Variants in ITGA2 observed in about 807,000 individuals in gnomAD.
ITGA2 encodes the protein integrin alpha-2.
A neutral mutation model predicts 146.3 loss-of-function variants in ITGA2; 101 were observed. The observed-to-expected ratio is 0.69, with a 90% confidence interval of 0.59 to 0.81. The LOEUF (loss-of-function observed/expected upper bound fraction) is 0.81, where lower values mean the gene tolerates loss of function less well. Among genes scored for constraint, ITGA2 ranks in the 40% least tolerant of loss-of-function variants. The pLI is 0.00. For synonymous variants in ITGA2, 477 were observed against 487.1 expected, an observed-to-expected ratio of 0.98 and a Z score of 0.27; for missense variants, 1,281 against 1,402.7, an observed-to-expected ratio of 0.91 and a Z score of 1.39.
chr5:53,048,261 T>C (rs1268311955), intron 4 of ITGA2, 102 bp from the exon 5 acceptor site: 1 of 877,704 alleles, frequency 1.1e-6, no homozygotes, highest in Admixed American at 1.9e-5. Context: ...ATTATTAGTA[T>C]CTTAGAAAAG....
intron 2 of ITGA2, among the ~76,000 whole-genome samples, chr5:53,029,820 C>T (rs1743138477): frequency 6.6e-6 from 1 of 152,146 alleles, no homozygotes; most frequent in Non-Finnish European, 1.5e-5. Context: ...AGTCCCAATT[C>T]TAAATGATTC....
chr5:53,012,059 A>G (rs1423865666), intron 1 of ITGA2, among the ~76,000 whole-genome samples: 1 of 152,196 alleles, frequency 6.6e-6, no homozygotes, highest in Non-Finnish European at 1.5e-5. Flanking sequence ...TATGTAAAAT[A>G]TCATTATAGT....
In ITGA2 at chr5:53,086,969, A is replaced by G. The variant is rs764094691; in HGVS notation, c.3276A>G (p.Val1092=). ...GTFASSTFQT[V]QLTAAAEINT... is the part of the protein sequence containing the mutation. ...TGTTCCAGTCAACGTTCCAGACAGT[A>G]CAGCTAACGGCAGCTGCAGAAATCA... Residue 1092 remains valine, a synonymous_variant, in exon 28 of 30, where the codon GTA becomes GTG. Transcript: ENST00000296585. 4 of 1,613,534 alleles carry G rather than the reference A, an allele frequency of 2.5e-6. No homozygotes were observed. Among genetic ancestry groups the G allele is most frequent in the Non-Finnish European group, 2.5e-6 (3 of 1,179,494 alleles).
intron 3 of ITGA2, among the ~76,000 whole-genome samples, chr5:53,043,994 G>A (rs1476162801): frequency 6.6e-6 from 1 of 152,002 alleles, no homozygotes; most frequent in Non-Finnish European, 1.5e-5. Context: ...GGTGAACTTG[G>A]CTGGGCATGG....
intron 1 of ITGA2, among the ~76,000 whole-genome samples, chr5:52,998,753 A>G (rs542084967): frequency 1.3e-5 from 2 of 152,154 alleles, no homozygotes; most frequent in African/African-American, 2.4e-5. Context: ...AGACAGGCCC[A>G]TATCATCTTC....
intron 16 of ITGA2, among the ~76,000 whole-genome samples, chr5:53,068,202 A>G (rs1745231043): frequency 6.6e-6 from 1 of 151,928 alleles, no homozygotes; most frequent in Non-Finnish European, 1.5e-5. Context: ...GAGAACACAA[A>G]GCAAAATTAG....
chr5:53,057,901 A>T, intron 9 of ITGA2, 124 bp from the exon 10 acceptor site: 1 of 723,124 alleles, frequency 1.4e-6, no homozygotes, highest in Non-Finnish European at 2.5e-6. Context: ...TTGGGTGAGT[A>T]TTGGAACAGT....
chr5:53,021,200 G>T (rs1742665648), intron 1 of ITGA2, among the ~76,000 whole-genome samples: 1 of 151,678 alleles, frequency 6.6e-6, no homozygotes, highest in Non-Finnish European at 1.5e-5. Context: ...ACTCTGTCTA[G>T]TTTATATGCT....
Position 53,092,083 on chromosome 5 carries a change from C to A in ITGA2, c.*1484C>A, listed in dbSNP as rs1740452302. 1 of 152,286 alleles carries A rather than the reference C, an allele frequency of 6.6e-6. No homozygotes were observed. The highest frequency in any genetic ancestry group is 6.5e-5 in the Admixed American group (1 of 15,286). 9.4% of individuals were successfully genotyped at this position (152,286 alleles called of 1,614,324 possible). A position where few individuals can be genotyped will look rare whatever the true frequency, so the allele number is the denominator to read the frequency against. ...CCCAGTCACTAGGATGCAGATGGAC[C>A]ACACTTTGAGAAACACCACCCATTT... On this transcript the variant is annotated 3_prime_UTR_variant, in exon 30 of 30. Transcript: ENST00000296585.
chr5:52,993,815 A>G (rs1257158786), intron 1 of ITGA2, among the ~76,000 whole-genome samples: 6 of 152,238 alleles, frequency 3.9e-5, no homozygotes, highest in South Asian at 4.1e-4. Context: ...CACTAAAGCC[A>G]TAAGTCTTGA....
intron 2 of ITGA2, among the ~76,000 whole-genome samples, chr5:53,031,109 TG>T (rs1351079388): frequency 1.3e-5 from 2 of 152,248 alleles, no homozygotes; most frequent in Non-Finnish European, 2.9e-5. Flanking sequence ...GTGGGCCCTG[TG>T]CCCTTCTCTA....
chr5:53,043,920 C>T (rs1743929664), intron 3 of ITGA2, among the ~76,000 whole-genome samples: 1 of 152,046 alleles, frequency 6.6e-6, no homozygotes, highest in African/African-American at 2.4e-5. Flanking sequence ...TTCATCTTCT[C>T]TGCAGTAGTC....
At chr5:52,998,606 C>T (rs929067928) in intron 1 of ITGA2, among the ~76,000 whole-genome samples, 2 of 152,158 alleles carry the variant, frequency 1.3e-5, no homozygotes, top group Non-Finnish European at 2.9e-5. Context: ...GAGATTCATG[C>T]ACCCTAGGAA....
At chr5:52,998,973 TTTG>T (rs1227645007) in intron 1 of ITGA2, among the ~76,000 whole-genome samples, 17 of 152,250 alleles carry the variant, frequency 1.1e-4, no homozygotes, top group Non-Finnish European at 2.1e-4. Context: ...AGTTGATAAA[TTTG>T]TTTTCACTTC....
At chr5:53,086,895 G>A in intron 27 of ITGA2, 57 bp from the exon 28 acceptor site, 1 of 1,327,456 alleles carries the variant, frequency 7.5e-7, no homozygotes, top group Non-Finnish European at 1.1e-6. Flanking sequence ...AAGCATGCCA[G>A]CTTCTCTGCA....
In ITGA2 at chr5:53,013,034, C is replaced by T. The variant is rs116351746; in HGVS notation, c.65-13714C>T. Among the ~76,000 whole-genome samples, 711 of 152,212 alleles carry T rather than the reference C, an allele frequency of 4.7e-3. 1 individual carries two copies. The highest frequency in any genetic ancestry group is 0.014 in the Middle Eastern group (4 of 294). ...CAGATGCATAGTTTTCGAATATTCT[C>T]TCCCACTCCATAGGTTGTCTGTTTA... On this transcript the variant is annotated intron_variant, in intron 1 of 29. Transcript: ENST00000296585.
chr5:53,067,282 A>G (rs1174573443), intron 16 of ITGA2, 25 bp downstream of exon 16: 1 of 1,610,556 alleles, frequency 6.2e-7, no homozygotes, highest in South Asian at 1.1e-5. Flanking sequence ...AATAATCTGT[A>G]TAGAAATTGG....
chr5:52,989,588 G>A, intron 1 of ITGA2, 56 bp downstream of exon 1: 1 of 1,589,986 alleles, frequency 6.3e-7, no homozygotes, highest in Non-Finnish European at 8.6e-7. Context: ...CGGCTTCCTG[G>A]GGCTCGCTGG....
intron 1 of ITGA2, among the ~76,000 whole-genome samples, chr5:53,008,128 AAG>A (rs1198693590): frequency 2.0e-5 from 3 of 151,882 alleles, no homozygotes; most frequent in African/African-American, 7.3e-5. Flanking sequence ...TGGCTTAAAC[AAG>A]AGAGACATAT....
Sources: gnomAD v4.1 joint callset for allele counts (sites outside exome capture counted in the v4.1 genomes callset) on GRCh38, gnomAD v4.1.1 for gene constraint, MANE v1.5 for transcripts, NCBI Gene and HGNC (gene_info 2026-07-23, HGNC 2026-07-21) for gene names.